The following GRM7 variants were observed in gnomAD, a reference collection of about 807,000 sequenced individuals.
GRM7 encodes the protein glutamate metabotropic receptor 7, also known as metabotropic glutamate receptor 7.
Under a neutral mutation model 84.5 loss-of-function variants are expected in GRM7, and 35 were observed. The observed-to-expected ratio is 0.41, with a 90% confidence interval of 0.32 to 0.55. GRM7 has a LOEUF of 0.55. Among genes scored for constraint, GRM7 ranks in the 20% least tolerant of loss-of-function variants. GRM7 has a pLI of 0.19. For missense variants in GRM7, 1,003 were observed against 1,194.6 expected, an observed-to-expected ratio of 0.84 and a Z score of 2.36; for synonymous variants, 487 against 455.1, an observed-to-expected ratio of 1.07 and a Z score of -0.89.
At chr3:7,019,508 C>G (rs1221654471) in intron 1 of GRM7, among the ~76,000 whole-genome samples, 1 of 152,158 alleles carries the variant, frequency 6.6e-6, no homozygotes, top group East Asian at 1.9e-4. Flanking sequence ...TGTCTCCCGA[C>G]AAATATAGAT....
At chr3:7,144,994 T>A (rs1694065353) in intron 1 of GRM7, among the ~76,000 whole-genome samples, 1 of 152,170 alleles carries the variant, frequency 6.6e-6, no homozygotes, top group South Asian at 2.1e-4. Context: ...TTAACTCTAA[T>A]GCTGACCTAG....
intron 1 of GRM7, among the ~76,000 whole-genome samples, chr3:6,938,393 C>T (rs957754957): frequency 6.6e-6 from 1 of 152,152 alleles, no homozygotes; most frequent in African/African-American, 2.4e-5. Flanking sequence ...TCTTCCAGTC[C>T]AGCTGTAACT....
chr3:7,618,087 G>A (rs909272252), intron 8 of GRM7, among the ~76,000 whole-genome samples: 1 of 152,110 alleles, frequency 6.6e-6, no homozygotes, highest in Non-Finnish European at 1.5e-5. Flanking sequence ...ACAAGGCTTA[G>A]CTCAGAGGCA....
At chr3:7,655,942 C>T (rs75772356) in intron 8 of GRM7, among the ~76,000 whole-genome samples, 249 of 152,276 alleles carry the variant, frequency 1.6e-3, no homozygotes, top group Non-Finnish European at 2.3e-3. Flanking sequence ...CACTTACATG[C>T]TATGTGATCA....
At chr3:7,120,681 C>T (rs902427328) in intron 1 of GRM7, among the ~76,000 whole-genome samples, 2 of 152,042 alleles carry the variant, frequency 1.3e-5, no homozygotes, top group African/African-American at 4.8e-5. Flanking sequence ...AGGCCATTTG[C>T]CATTTGTGAA....
intron 2 of GRM7, among the ~76,000 whole-genome samples, chr3:7,271,330 C>T (rs1575106086): frequency 6.6e-6 from 1 of 152,034 alleles, no homozygotes; most frequent in East Asian, 2.0e-4. Flanking sequence ...GAGGCCGAGG[C>T]GGGTGGATCA....
chr3:7,100,700 A>C (rs1398578514), intron 1 of GRM7, among the ~76,000 whole-genome samples: 1 of 151,778 alleles, frequency 6.6e-6, no homozygotes, highest in Non-Finnish European at 1.5e-5. Context: ...GAGTTTTGGT[A>C]AATGTATACA....
At chr3:7,557,545 A>G (rs534509624) in intron 7 of GRM7, among the ~76,000 whole-genome samples, 14 of 152,266 alleles carry the variant, frequency 9.2e-5, no homozygotes, top group Middle Eastern at 3.4e-3. Flanking sequence ...TTAGATTTTC[A>G]GGGTTTATCC....
intron 2 of GRM7, among the ~76,000 whole-genome samples, chr3:7,298,100 A>C (rs1413574908): frequency 6.6e-6 from 1 of 152,198 alleles, no homozygotes; most frequent in Non-Finnish European, 1.5e-5. Context: ...TCTGTAAAAC[A>C]CTTAATGATG....
At chr3:7,005,808 G>C (rs1389620885) in intron 1 of GRM7, among the ~76,000 whole-genome samples, 1 of 152,074 alleles carries the variant, frequency 6.6e-6, no homozygotes, top group Non-Finnish European at 1.5e-5. Flanking sequence ...TCTTTTTATA[G>C]GGAGTCAAGG....
chr3:6,875,635 C>T (rs972982827), intron 1 of GRM7, among the ~76,000 whole-genome samples: 3 of 152,124 alleles, frequency 2.0e-5, no homozygotes, highest in Non-Finnish European at 2.9e-5. Context: ...TGAGAACAGA[C>T]CAATCACCTG....
chr3:7,424,718 A>G (rs1530764), intron 5 of GRM7, among the ~76,000 whole-genome samples: 1,536 of 152,342 alleles, frequency 0.01, 28 homozygotes, highest in African/African-American at 0.033. Context: ...GTGCTGAGCC[A>G]GAGAACACAG....
intron 1 of GRM7, among the ~76,000 whole-genome samples, chr3:7,088,989 A>G (rs888498989): frequency 1.3e-5 from 2 of 152,120 alleles, no homozygotes; most frequent in Non-Finnish European, 2.9e-5. Context: ...AGAAGAGAAA[A>G]GCCCAGTTTC....
chr3:6,995,895 T>C (rs1342687511), intron 1 of GRM7, among the ~76,000 whole-genome samples: 3 of 152,304 alleles, frequency 2.0e-5, no homozygotes, highest in African/African-American at 7.2e-5. Flanking sequence ...ATTTTAATTA[T>C]AGAGGTTTAA....
intron 7 of GRM7, among the ~76,000 whole-genome samples, chr3:7,523,319 A>G (rs533544157): frequency 1.2e-3 from 183 of 152,216 alleles, no homozygotes; most frequent in African/African-American, 4.2e-3. Flanking sequence ...GAAATTGCCT[A>G]TTTCCTCTCC....
intron 2 of GRM7, among the ~76,000 whole-genome samples, chr3:7,157,783 G>A (rs1694501147): frequency 1.3e-5 from 2 of 151,644 alleles, no homozygotes; most frequent in Middle Eastern, 3.4e-3. Context: ...ATGGCAGTAG[G>A]CAAACATTCC....
At chr3:7,664,777 C>T (rs1339074041) in intron 8 of GRM7, among the ~76,000 whole-genome samples, 1 of 152,176 alleles carries the variant, frequency 6.6e-6, no homozygotes, top group African/African-American at 2.4e-5. Flanking sequence ...TACTGGGGCA[C>T]TCAATGCTTA....
chr3:7,250,406 T>C (rs1271470144), intron 2 of GRM7, among the ~76,000 whole-genome samples: 2 of 149,982 alleles, frequency 1.3e-5, no homozygotes, highest in African/African-American at 4.9e-5. Flanking sequence ...ATATATTTGG[T>C]GTTGATAAAT....
At chr3:7,307,629 T>C (rs56174360) in intron 4 of GRM7, among the ~76,000 whole-genome samples, 71,963 of 152,114 alleles carry the variant, frequency 0.47, 18,734 homozygotes, top group Non-Finnish European at 0.6. Flanking sequence ...GATAAAAATC[T>C]CATGAGTCAC....
Sources: allele counts gnomAD v4.1 joint callset (sites outside exome capture counted in the v4.1 genomes callset), GRCh38; gene constraint gnomAD v4.1.1; transcripts MANE v1.5; gene names NCBI Gene and HGNC (gene_info 2026-07-23, HGNC 2026-07-21).